The following PKNOX2 variants were observed in gnomAD, a reference collection of about 807,000 sequenced individuals.
The protein encoded by PKNOX2 is homeobox protein PKNOX2.
Under a neutral mutation model 53.1 loss-of-function variants are expected in PKNOX2, and 14 were observed. The observed-to-expected ratio is 0.26, with a 90% CI of 0.17 to 0.41. The LOEUF is 0.41. Ranked by LOEUF, PKNOX2 falls within the 10% of genes least tolerant of loss-of-function variation. The probability of loss-of-function intolerance (pLI) is 1.00; values close to 1 mark genes in which losing one functional copy is unlikely to be tolerated. For synonymous variants in PKNOX2, 257 were observed against 242.8 expected (o/e 1.06, Z -0.54); for missense variants, 496 against 602.8 (o/e 0.82, Z 1.85).
intron 12 of PKNOX2, 74 bp downstream of exon 12, chr11:125,430,215 C>A: frequency 1.3e-6 from 2 of 1,522,278 alleles, no homozygotes; most frequent in Non-Finnish European, 1.8e-6. Context: ...TCAAGCCGTG[C>A]AAAGATTCAA....
chr11:125,354,639 A>G (rs1021470104), intron 4 of PKNOX2, among the ~76,000 whole-genome samples: 1 of 152,232 alleles, frequency 6.6e-6, no homozygotes, highest in Non-Finnish European at 1.5e-5. Context: ...AAAATTAGGA[A>G]TCTGCATTAA....
At chr11:125,383,939 CA>C (rs562802937) in intron 5 of PKNOX2, among the ~76,000 whole-genome samples, 1 of 151,266 alleles carries the variant, frequency 6.6e-6, no homozygotes, top group Admixed American at 6.6e-5. Flanking sequence ...CATCAAAAAA[CA>C]AAAAAAACAA....
At chr11:125,317,986 G>A (rs1486228379) in intron 2 of PKNOX2, among the ~76,000 whole-genome samples, 2 of 152,162 alleles carry the variant, frequency 1.3e-5, no homozygotes, top group Non-Finnish European at 2.9e-5. Flanking sequence ...AGGTCTTCTG[G>A]ATAACTTGAT....
intron 2 of PKNOX2, among the ~76,000 whole-genome samples, chr11:125,253,529 T>C (rs12577901): frequency 0.58 from 88,192 of 151,968 alleles, 25,982 homozygotes; most frequent in East Asian, 0.73. Flanking sequence ...ATGCCACCGA[T>C]GGTCCCAGGC....
intron 2 of PKNOX2, among the ~76,000 whole-genome samples, chr11:125,325,660 G>A: frequency 6.6e-6 from 1 of 152,214 alleles, no homozygotes; most frequent in East Asian, 1.9e-4. Context: ...TATCTGCTAA[G>A]CATATCACAC....
At chr11:125,359,614 A>G (rs1020953662) in intron 4 of PKNOX2, among the ~76,000 whole-genome samples, 6 of 152,202 alleles carry the variant, frequency 3.9e-5, no homozygotes, top group African/African-American at 1.4e-4. Flanking sequence ...AAGTGACCTC[A>G]AGCCCTGACC....
At chr11:125,408,356 C>T (rs1469066779) in intron 7 of PKNOX2, among the ~76,000 whole-genome samples, 1 of 152,242 alleles carries the variant, frequency 6.6e-6, no homozygotes, top group Non-Finnish European at 1.5e-5. Context: ...AGGCGGCTCC[C>T]ACGGGGCCCC....
chr11:125,354,870 C>A (rs1306746675), intron 4 of PKNOX2, among the ~76,000 whole-genome samples: 1 of 151,616 alleles, frequency 6.6e-6, no homozygotes, highest in Non-Finnish European at 1.5e-5. Context: ...GCTTCTAGCC[C>A]CTTAGTTCTG....
chr11:125,401,845 C>T (rs1382090824), intron 7 of PKNOX2, among the ~76,000 whole-genome samples: 7 of 152,102 alleles, frequency 4.6e-5, no homozygotes, highest in African/African-American at 7.2e-5. Context: ...TTAATCCCCC[C>T]GGCCTGAAAT....
intron 3 of PKNOX2, among the ~76,000 whole-genome samples, chr11:125,338,242 A>C (rs534383478): frequency 1.3e-5 from 2 of 152,042 alleles, no homozygotes; most frequent in East Asian, 3.9e-4. Context: ...TCACACACAC[A>C]CAGCTTCTGC....
At chr11:125,408,617 C>G (rs889465713) in intron 7 of PKNOX2, among the ~76,000 whole-genome samples, 7 of 152,180 alleles carry the variant, frequency 4.6e-5, no homozygotes, top group Admixed American at 3.3e-4. Flanking sequence ...AAAGGCAGCT[C>G]TGGAGGAGAC....
chr11:125,307,454 A>G (rs1948538893), intron 2 of PKNOX2, among the ~76,000 whole-genome samples: 1 of 152,148 alleles, frequency 6.6e-6, no homozygotes, highest in African/African-American at 2.4e-5. Context: ...GCTACTCAGG[A>G]GGCTGAGGCA....
At chr11:125,252,787 AC>A (rs971734711) in intron 2 of PKNOX2, among the ~76,000 whole-genome samples, 4 of 152,128 alleles carry the variant, frequency 2.6e-5, no homozygotes, top group African/African-American at 9.7e-5. Flanking sequence ...ACCTCTACCA[AC>A]CCGGCCTTTG....
chr11:125,331,125 TGGCC>T (rs752046101), intron 2 of PKNOX2, among the ~76,000 whole-genome samples: 4 of 152,180 alleles, frequency 2.6e-5, no homozygotes, highest in African/African-American at 9.7e-5. Flanking sequence ...CCAGACCTTA[TGGCC>T]GTGCTGACCA....
intron 7 of PKNOX2, among the ~76,000 whole-genome samples, chr11:125,401,689 C>T (rs937683642): frequency 6.6e-6 from 1 of 151,914 alleles, no homozygotes; most frequent in African/African-American, 2.4e-5. Flanking sequence ...AATCGGGGAC[C>T]GAGACTTTCA....
At chr11:125,248,905 C>CATATATAATATACATAAT (rs1943778631) in intron 2 of PKNOX2, among the ~76,000 whole-genome samples, 1 of 105,312 alleles carries the variant, frequency 9.5e-6, no homozygotes, top group African/African-American at 3.1e-5. Flanking sequence ...ATATATATAA[C>CATATATAATATACATAAT]GTATATATAT....
intron 10 of PKNOX2, among the ~76,000 whole-genome samples, chr11:125,426,432 GCCAGCAC>G (rs1258622954): frequency 2.0e-5 from 3 of 152,128 alleles, no homozygotes; most frequent in African/African-American, 7.2e-5. Flanking sequence ...TCTTTCACTT[GCCAGCAC>G]CCAGGATGCG....
intron 7 of PKNOX2, among the ~76,000 whole-genome samples, chr11:125,400,906 A>C (rs1259197967): frequency 6.6e-6 from 1 of 152,120 alleles, no homozygotes; most frequent in African/African-American, 2.4e-5. Flanking sequence ...TAGGCCAAAA[A>C]CAGCCATTTC....
intron 3 of PKNOX2, among the ~76,000 whole-genome samples, chr11:125,335,445 C>T (rs1384788039): frequency 1.3e-5 from 2 of 152,188 alleles, no homozygotes; most frequent in Non-Finnish European, 2.9e-5. Context: ...TAGAGGCTCT[C>T]CGAGGAGTCT....
Sources: allele counts gnomAD v4.1 joint callset (sites outside exome capture counted in the v4.1 genomes callset), GRCh38; gene constraint gnomAD v4.1.1; transcripts MANE v1.5; gene names NCBI Gene and HGNC (gene_info 2026-07-23, HGNC 2026-07-21).